GALNT13: variants seen among roughly 807,000 people sequenced by gnomAD.
The protein encoded by GALNT13 is polypeptide N-acetylgalactosaminyltransferase 13, also known as UDP-GalNAc:polypeptide N-acetylgalactosaminyltransferase 13.
A neutral mutation model predicts 64.2 loss-of-function variants in GALNT13; 28 were observed. The ratio of observed to expected loss-of-function variants is 0.44; its 90% CI spans 0.32 to 0.60. The LOEUF (loss-of-function observed/expected upper bound fraction) is 0.60, where lower values mean the gene tolerates loss of function less well. Among genes scored for constraint, GALNT13 ranks in the 20% least tolerant of loss-of-function variants. GALNT13 has a pLI of 0.05. For synonymous variants in GALNT13, 214 were observed against 224.6 expected (o/e 0.95, Z 0.42); for missense variants, 577 against 669.8 (o/e 0.86, Z 1.53).
chr2:154,069,963 AG>A (rs1700659790), intron 3 of GALNT13, among the ~76,000 whole-genome samples: 1 of 152,166 alleles, frequency 6.6e-6, no homozygotes, highest in South Asian at 2.1e-4. Context: ...TTACTGAGAA[AG>A]TTTTATTAGA....
At chr2:153,196,269 G>A in the GALNT13 span, among the ~76,000 whole-genome samples, 1 of 152,172 alleles carries the variant, frequency 6.6e-6, no homozygotes, top group Non-Finnish European at 1.5e-5. Flanking sequence ...CATGCCAAGG[G>A]GCACCTGCAG....
chr2:153,370,529 A>T, the GALNT13 span: 1 of 152,190 alleles, frequency 6.6e-6, no homozygotes, highest in Non-Finnish European at 1.5e-5. Flanking sequence ...TATCAATATC[A>T]TGAATGATAT....
At chr2:153,090,878 T>C in the GALNT13 span, among the ~76,000 whole-genome samples, 2 of 150,516 alleles carry the variant, frequency 1.3e-5, no homozygotes, top group Non-Finnish European at 3.0e-5. Context: ...CTGTTTCATA[T>C]AGTTTGCCAG....
the GALNT13 span, among the ~76,000 whole-genome samples, chr2:153,086,047 C>T: frequency 1.3e-5 from 2 of 152,132 alleles, no homozygotes. Flanking sequence ...TTAATGACTC[C>T]CCTATTGGAT....
At chr2:153,382,100 A>G in the GALNT13 span, among the ~76,000 whole-genome samples, 1 of 152,266 alleles carries the variant, frequency 6.6e-6, no homozygotes. Context: ...TCTCAGCATG[A>G]TTAATGAAGA....
At chr2:153,413,333 G>T in the GALNT13 span, among the ~76,000 whole-genome samples, 1 of 152,004 alleles carries the variant, frequency 6.6e-6, no homozygotes, top group Non-Finnish European at 1.5e-5. Flanking sequence ...AGTGCACTGG[G>T]GTATAAGCAA....
At chr2:153,640,839 G>A in the GALNT13 span, among the ~76,000 whole-genome samples, 282 of 152,246 alleles carry the variant, frequency 1.9e-3, no homozygotes, top group African/African-American at 6.6e-3. Context: ...TTGGGAAATA[G>A]TAGAGAAGAA....
At chr2:153,478,097 T>G in the GALNT13 span, 365 of 657,440 alleles carry the variant, frequency 5.6e-4, no homozygotes, top group East Asian at 1.1e-3. Flanking sequence ...AACCGGTCGC[T>G]TCTTTCCGAA....
chr2:154,008,047 A>G (rs1696376459), intron 3 of GALNT13, among the ~76,000 whole-genome samples: 1 of 152,070 alleles, frequency 6.6e-6, no homozygotes, highest in East Asian at 1.9e-4. Flanking sequence ...TCAACTTGTT[A>G]TTTGCTTCAT....
chr2:153,598,905 T>C, the GALNT13 span, among the ~76,000 whole-genome samples: 2 of 152,176 alleles, frequency 1.3e-5, no homozygotes, highest in East Asian at 1.9e-4. Context: ...GAAACTTTCA[T>C]AGCCAGATTT....
chr2:154,194,389 A>G (rs1686767366), intron 4 of GALNT13, among the ~76,000 whole-genome samples: 1 of 152,174 alleles, frequency 6.6e-6, no homozygotes, highest in South Asian at 2.1e-4. Context: ...TGCCATTTTT[A>G]AAAAGTAGAG....
At chr2:153,476,740 A>G in the GALNT13 span, among the ~76,000 whole-genome samples, 649 of 152,350 alleles carry the variant, frequency 4.3e-3, 6 homozygotes, top group African/African-American at 0.015. Flanking sequence ...TTTGCTAGAA[A>G]AAGTAATATC....
At chr2:154,159,425 G>A (rs765151970) in intron 4 of GALNT13, among the ~76,000 whole-genome samples, 7 of 152,098 alleles carry the variant, frequency 4.6e-5, no homozygotes, top group Non-Finnish European at 1.0e-4. Flanking sequence ...ATGAGACACC[G>A]TGCCTGGCCA....
chr2:154,279,853 G>A (rs747181500), intron 8 of GALNT13, among the ~76,000 whole-genome samples: 5 of 151,862 alleles, frequency 3.3e-5, no homozygotes, highest in Non-Finnish European at 7.4e-5. Context: ...TAGGATGTTT[G>A]TGGGTTTCTT....
At chr2:153,098,189 G>T in the GALNT13 span, among the ~76,000 whole-genome samples, 1 of 152,186 alleles carries the variant, frequency 6.6e-6, no homozygotes, top group Non-Finnish European at 1.5e-5. Flanking sequence ...CTTTGGATCA[G>T]TGTTTTTCTG....
the GALNT13 span, among the ~76,000 whole-genome samples, chr2:153,345,653 T>G: frequency 7.4e-6 from 1 of 134,658 alleles, no homozygotes; most frequent in Non-Finnish European, 1.6e-5. Flanking sequence ...CTTTCTTTCT[T>G]TCTTTCTTTC....
At chr2:153,343,384 A>G in the GALNT13 span, among the ~76,000 whole-genome samples, 1 of 152,188 alleles carries the variant, frequency 6.6e-6, no homozygotes. Flanking sequence ...TTTAAAAATT[A>G]CTATGTTTTT....
At chr2:153,477,417 AGAGCACTTTT>A in the GALNT13 span, 2 of 152,638 alleles carry the variant, frequency 1.3e-5, no homozygotes, top group African/African-American at 4.8e-5. Context: ...ACGGATGTCA[AGAGCACTTTT>A]GTGGCGTAAA....
the GALNT13 span, among the ~76,000 whole-genome samples, chr2:153,248,838 G>GAA: frequency 0.54 from 74,795 of 137,762 alleles, 20,934 homozygotes; most frequent in African/African-American, 0.65. Context: ...AGAAAAAAAA[G>GAA]AAAAAAAAAA....
Sources: gnomAD v4.1 joint callset for allele counts (sites outside exome capture counted in the v4.1 genomes callset) on GRCh38, gnomAD v4.1.1 for gene constraint, MANE v1.5 for transcripts, NCBI Gene and HGNC (gene_info 2026-07-23, HGNC 2026-07-21) for gene names.